The following INMT variants were observed in gnomAD, a reference collection of about 807,000 sequenced individuals.
INMT encodes amine N-methyltransferase.
INMT carries 11 observed loss-of-function variants against 11.5 expected under a neutral mutation model. The ratio of observed to expected loss-of-function variants is 0.95; its 90% CI spans 0.60 to 1.58. INMT has a LOEUF of 1.58. Among genes scored for constraint, INMT ranks in the 40% most tolerant of loss-of-function variants. INMT has a pLI of 0.00. For synonymous variants in INMT, 155 were observed against 142.9 expected (o/e 1.08, Z -0.60); for missense variants, 316 against 336.1 (o/e 0.94, Z 0.47).
Position 30,756,304 on chromosome 7 carries a change from C to T in INMT, c.*453C>T, listed in dbSNP as rs1055867593. The T allele has an allele frequency of 3.7e-5, 30 of 800,250 alleles. No individual in the cohort carries two copies. The highest frequency in any genetic ancestry group is 1.2e-4 in the Admixed American group (2 of 16,856). 49.6% of individuals were successfully genotyped at this position (800,250 alleles called of 1,614,324 possible). On this transcript the variant is annotated 3_prime_UTR_variant, in exon 3 of 3. Coordinates refer to ENST00000013222, the MANE Select transcript of INMT (RefSeq NM_006774.5). Reference sequence around the variant, plus strand: ...AGGCTAGAGTGCAATGGCACGATCTCGGCTCACTGCAAGCTCTGCGTCCTG... The same window carrying T: ...AGGCTAGAGTGCAATGGCACGATCTTGGCTCACTGCAAGCTCTGCGTCCTG...
Position 30,755,494 on chromosome 7 carries a change from G to A in INMT, c.435G>A (p.Leu145=), listed in dbSNP as rs115699009. The change falls in exon 3 of 3, where the codon CTG becomes CTA. Residue 145 remains leucine (L), a synonymous_variant. Transcript: ENST00000013222. ...VKRVLKCDVH[L]GNPLAPAVLP... is the part of the protein sequence containing the mutation. ...GGGTGCTCAAGTGCGATGTCCACCT[G>A]GGCAACCCGCTGGCCCCGGCTGTGT... 1.6e-3 allele frequency: 2,524 copies of A among 1,604,440 alleles called. 37 individuals are homozygous for A. In the African/African-American group the frequency reaches 0.03, roughly 19 times the overall value.
In INMT at chr7:30,755,975, G is replaced by A. The variant is rs1391358682; in HGVS notation, c.*124G>A. On this transcript the variant is annotated 3_prime_UTR_variant, in exon 3 of 3. Transcript: ENST00000013222. ...TTTCAACACTAACATTCCATCTTCT[G>A]AAATTCTGAGATTCTAACATCCTTG... 2 of 1,436,646 alleles carry A rather than the reference G, an allele frequency of 1.4e-6. No homozygotes were observed. Among genetic ancestry groups the A allele is most frequent in the Non-Finnish European group, 1.8e-6 (2 of 1,099,904 alleles). 89.0% of individuals were successfully genotyped at this position (1,436,646 alleles called of 1,614,324 possible). A position where few individuals can be genotyped will look rare whatever the true frequency, so the allele number is the denominator to read the frequency against.
rs1786099722 is a variant in INMT at position 30,752,205 on chromosome 7, G to A, written c.55G>A (p.Asp19Asn). 2 of 1,614,078 alleles carry A rather than the reference G, an allele frequency of 1.2e-6. No homozygotes were observed. The highest frequency in any genetic ancestry group is 1.7e-6 in the Non-Finnish European group (2 of 1,179,976). The change falls in exon 1 of 3, where the codon GAC becomes AAC. Residue 19 changes from aspartate to asparagine, a missense_variant. Physicochemically the swap from Asp to Asn is conservative, Grantham distance 23. Transcript: ENST00000013222. ...GTACCAGAAGCACTTCCTGCCCAGG[G>A]ACTACTTGGCTACTTACTACAGCTT... Reference protein sequence around the residue: ...DEYQKHFLPRDYLATYYSFDG... With the variant: ...DEYQKHFLPRNYLATYYSFDG...
At position 30,753,741 on chromosome 7, in the gene INMT, A is replaced by T. The variant is rs1243450256; in HGVS notation, c.165A>T (p.Gln55His). Reference protein sequence around the residue: ...LHKTFGPGGLQGDTLIDIGSG... With the variant: ...LHKTFGPGGLHGDTLIDIGSG... Reference sequence around the variant, plus strand: ...CTTTCCCTCCCACAGGAGGCCTCCAAGGGGACACGCTGATTGACATTGGCT... The same window carrying T: ...CTTTCCCTCCCACAGGAGGCCTCCATGGGGACACGCTGATTGACATTGGCT... The change falls in exon 2 of 3, where the codon CAA becomes CAT. Residue 55 changes from glutamine to histidine, a missense_variant. By Grantham distance (24) the Gln-to-His change is conservative. Coordinates refer to ENST00000013222, the MANE Select transcript of INMT (RefSeq NM_006774.5). 1.2e-6 allele frequency: 2 copies of T among 1,613,938 alleles called. No individual in the cohort carries two copies. Among genetic ancestry groups the T allele is most frequent in the Non-Finnish European group, 1.7e-6 (2 of 1,179,970 alleles).
rs1189955035 is a variant in INMT at position 30,756,147 on chromosome 7, G to A, written c.*296G>A. The A allele has an allele frequency of 6.0e-6, 7 of 1,172,776 alleles. No individual in the cohort carries two copies. Among genetic ancestry groups the A allele is most frequent in the Middle Eastern group, 3.5e-4 (1 of 2,840 alleles). The allele number at this position is 1,172,776 out of a possible 1,614,324, so 72.6% of individuals were successfully genotyped here. ...GAGCACCCAGGGACGTGGTTTTAGAGTCTACCTAATATGTTAAGGACAAGG... is the reference window on the plus strand; with the variant it reads ...GAGCACCCAGGGACGTGGTTTTAGAATCTACCTAATATGTTAAGGACAAGG... On this transcript the variant is annotated 3_prime_UTR_variant, in exon 3 of 3. Transcript: ENST00000013222.
At chr7:30,753,591 C>T in intron 1 of INMT, 140 bp from the exon 2 acceptor site, 1 of 744,624 alleles carries the variant, frequency 1.3e-6, no homozygotes, top group Non-Finnish European at 2.3e-6. Flanking sequence ...TGAGGCTTGG[C>T]TTACAGGGAG....
In INMT at chr7:30,753,712, C is replaced by T. The variant is rs369261674; in HGVS notation, c.155-19C>T. 1.7e-5 allele frequency: 27 copies of T among 1,609,686 alleles called. No individual in the cohort carries two copies. In the African/African-American group the frequency reaches 3.5e-4, roughly 21 times the overall value. On this transcript the variant is annotated intron_variant, in intron 1 of 2. Transcript: ENST00000013222. ...CTCGTTTCTTTTACCCATCCATTAC[C>T]AGTCTTTCCCTCCCACAGGAGGCCT...
At position 30,754,669 on chromosome 7, in the gene INMT, ATCC is replaced by A. The variant is rs769046046; in HGVS notation, c.362+732_362+734del. ...CATCCATCCATCCATCCATCCATCC[ATCC>A]ATCCATGTCCATCCACATTCATCCA... On this transcript the variant is annotated intron_variant, in intron 2 of 2. Coordinates refer to ENST00000013222, the MANE Select transcript of INMT (RefSeq NM_006774.5). The surrounding 1 kb of genome is among the most constrained non-coding windows in gnomAD (Gnocchi z 4.9). Among the ~76,000 whole-genome samples the A allele has an allele frequency of 6.7e-6, 1 of 149,330 alleles. No individual in the cohort carries two copies. Among genetic ancestry groups the A allele is most frequent in the Non-Finnish European group, 1.5e-5 (1 of 67,342 alleles).
In INMT at chr7:30,755,350, C is replaced by T. The variant is rs180857428; in HGVS notation, c.363-72C>T. On this transcript the variant is annotated intron_variant, in intron 2 of 2. Transcript: ENST00000013222. ...GGGATCCAGAGATCATCTCCATCTGCTGGTCACAGTGGACTGAGAGTTCCC... is the reference window on the plus strand; with the variant it reads ...GGGATCCAGAGATCATCTCCATCTGTTGGTCACAGTGGACTGAGAGTTCCC... 3.0e-6 allele frequency: 4 copies of T among 1,335,072 alleles called. No individual in the cohort carries two copies. The African/African-American group carries it at 5.8e-5, about 19-fold the overall frequency. 82.7% of individuals were successfully genotyped at this position (1,335,072 alleles called of 1,614,324 possible).
rs755530709 is a variant in INMT at position 30,752,173 on chromosome 7, G to T, written c.23G>T (p.Gly8Val). MKGGFTG[G>V]DEYQKHFLPR... ...ACCATGAAGGGTGGCTTCACTGGGG[G>T]TGATGAGTACCAGAAGCACTTCCTG... The change falls in exon 1 of 3, where the codon GGT becomes GTT. Residue 8 changes from glycine (G) to valine (V), a missense_variant. By Grantham distance (109) the Gly-to-Val change is moderately radical. Coordinates refer to ENST00000013222, the MANE Select transcript of INMT (RefSeq NM_006774.5). 1 of 1,614,016 alleles carries T rather than the reference G, an allele frequency of 6.2e-7. No homozygotes were observed. Among genetic ancestry groups the T allele is most frequent in the Non-Finnish European group, 8.5e-7 (1 of 1,179,924 alleles).
At position 30,753,743 on chromosome 7, in the gene INMT, G is replaced by C; in HGVS notation, c.167G>C (p.Gly56Ala). ...HKTFGPGGLQ[G>A]DTLIDIGSGP... The stretch of plus-strand genomic sequence containing the variant: ...TTCCCTCCCACAGGAGGCCTCCAAG[G>C]GGACACGCTGATTGACATTGGCTCA... Residue 56 changes from glycine (G) to alanine (A), a missense_variant, in exon 2 of 3, where the codon GGG becomes GCG. Transcript: ENST00000013222. The C allele has an allele frequency of 6.2e-7, 1 of 1,614,062 alleles. No homozygotes were observed. Among genetic ancestry groups the C allele is most frequent in the Non-Finnish European group, 8.5e-7 (1 of 1,179,992 alleles).
Position 30,753,837 on chromosome 7 carries a change from C to A in INMT, c.261C>A (p.Thr87=), listed in dbSNP as rs182662515. 1 of 1,614,144 alleles carries A rather than the reference C, an allele frequency of 6.2e-7. No individual in the cohort carries two copies. Among genetic ancestry groups the A allele is most frequent in the Non-Finnish European group, 8.5e-7 (1 of 1,180,022 alleles). ...SFQDITLSDF[T]DRNREELEKW... ...AAGACATCACTCTCTCCGACTTTAC[C>A]GACCGCAACCGGGAGGAGCTGGAAA... Residue 87 remains threonine (T), a synonymous_variant, in exon 2 of 3, where the codon ACC becomes ACA. Transcript: ENST00000013222.
Position 30,753,859 on chromosome 7 carries a change from G to A in INMT, c.283G>A (p.Glu95Lys), listed in dbSNP as rs754095615. The A allele has an allele frequency of 1.7e-5, 28 of 1,614,098 alleles. No homozygotes were observed. Among genetic ancestry groups the A allele is most frequent in the Non-Finnish European group, 2.3e-5 (27 of 1,180,042 alleles). Reference sequence around the variant, plus strand: ...TACCGACCGCAACCGGGAGGAGCTGGAAAAGTGGCTGAAGAAGGAGCCGGG... The same window carrying A: ...TACCGACCGCAACCGGGAGGAGCTGAAAAAGTGGCTGAAGAAGGAGCCGGG... ...DFTDRNREEL[E>K]KWLKKEPGAY... The change falls in exon 2 of 3, where the codon GAA (glutamate) becomes AAA (lysine). Residue 95 changes from glutamate (E) to lysine (K), a missense_variant. Physicochemically the swap from Glu to Lys is moderately conservative, Grantham distance 56. Transcript: ENST00000013222.
rs751619800 is a variant in INMT, at chr7:30,755,895, G to C, written c.*44G>C. On this transcript the variant is annotated 3_prime_UTR_variant, in exon 3 of 3. Transcript: ENST00000013222. ...AGGTCTGGTCAGGCTGTGAGGCCTT[G>C]GCCATCTGTATGCTAGAGAGGGGTG... 2.5e-6 allele frequency: 4 copies of C among 1,568,926 alleles called. No homozygotes were observed. The highest frequency in any genetic ancestry group is 3.5e-6 in the Non-Finnish European group (4 of 1,159,406).
At position 30,753,879 on chromosome 7, in the gene INMT, G is replaced by A; in HGVS notation, c.303G>A (p.Glu101=). The change falls in exon 2 of 3, where the codon GAG becomes GAA. Residue 101 remains glutamate, a synonymous_variant. Coordinates refer to ENST00000013222, the MANE Select transcript of INMT (RefSeq NM_006774.5). ...REELEKWLKK[E]PGAYDWTPAV... is the part of the protein sequence containing the mutation. ...AGCTGGAAAAGTGGCTGAAGAAGGA[G>A]CCGGGGGCCTATGACTGGACCCCAG... The A allele has an allele frequency of 6.2e-7, 1 of 1,614,214 alleles. No individual in the cohort carries two copies. Among genetic ancestry groups the A allele is most frequent in the South Asian group, 1.1e-5 (1 of 91,086 alleles).
At position 30,755,807 on chromosome 7, in the gene INMT, A is replaced by G. The variant is rs758467863; in HGVS notation, c.748A>G (p.Asn250Asp). The change falls in exon 3 of 3, where the codon AAT (asparagine) becomes GAT (aspartate). Residue 250 changes from asparagine (N) to aspartate (D), a missense_variant. Transcript: ENST00000013222. ...QSYSVTNAAN[N>D]GVCFIVARKK... ...CTACTCTGTCACCAATGCTGCCAAC[A>G]ATGGGGTCTGCTTCATTGTGGCTCG... The G allele has an allele frequency of 1.2e-6, 2 of 1,613,934 alleles. No individual in the cohort carries two copies. The highest frequency in any genetic ancestry group is 1.1e-5 in the South Asian group (1 of 91,074).
chr7:30,753,856 C>A lies in INMT; in HGVS notation c.280C>A (p.Leu94Met). The change falls in exon 2 of 3, where the codon CTG becomes ATG. Residue 94 changes from leucine to methionine, a missense_variant. Leu to Met is a conservative substitution (Grantham distance 15, BLOSUM62 2). Coordinates refer to ENST00000013222, the MANE Select transcript of INMT (RefSeq NM_006774.5). The stretch of plus-strand genomic sequence containing the variant: ...CTTTACCGACCGCAACCGGGAGGAG[C>A]TGGAAAAGTGGCTGAAGAAGGAGCC... ...SDFTDRNREE[L>M]EKWLKKEPGA... 6.2e-7 allele frequency: 1 copy of A among 1,614,186 alleles called. No homozygotes were observed. The highest frequency in any genetic ancestry group is 8.5e-7 in the Non-Finnish European group (1 of 1,180,038).
At chr7:30,755,286 T>C in intron 2 of INMT, 136 bp from the exon 3 acceptor site, 1 of 728,126 alleles carries the variant, frequency 1.4e-6, no homozygotes, top group East Asian at 2.7e-5. Context: ...AAGAGCCTGC[T>C]GTCAGGTCAC....
At position 30,754,636 on chromosome 7, in the gene INMT, TATCCATCCATCCATCCATCC is replaced by T. The variant is rs58315408; in HGVS notation, c.362+721_362+740del. 8.6e-4 allele frequency among the ~76,000 whole-genome samples: 125 copies of T among 144,632 alleles called. No homozygotes were observed. Among genetic ancestry groups the T allele is most frequent in the Middle Eastern group, 7.2e-3 (2 of 276 alleles). 94.9% of individuals were successfully genotyped at this position (144,632 alleles called of 152,430 possible). A position where few individuals can be genotyped will look rare whatever the true frequency, so the allele number is the denominator to read the frequency against. On this transcript the variant is annotated intron_variant, in intron 2 of 2. Transcript: ENST00000013222. The surrounding 1 kb of genome is among the most constrained non-coding windows in gnomAD (Gnocchi z 4.9). ...ATCCACCCATCCATCCATATCCATC[TATCCATCCATCCATCCATCC>T]ATCCATCCATCCATCCATCCATGTC...
Sources: allele counts gnomAD v4.1 joint callset (sites outside exome capture counted in the v4.1 genomes callset), GRCh38; gene constraint gnomAD v4.1.1; non-coding constraint Gnocchi (gnomAD v3.1); transcripts MANE v1.5; gene names NCBI Gene and HGNC (gene_info 2026-07-23, HGNC 2026-07-21).